The following PAX8 variants were observed in gnomAD, a reference collection of about 807,000 sequenced individuals.
The protein encoded by PAX8 is paired box protein Pax-8.
Under a neutral mutation model 52.4 loss-of-function variants are expected in PAX8, and 15 were observed. The ratio of observed to expected loss-of-function variants is 0.29; its 90% CI spans 0.19 to 0.44. The LOEUF is 0.44. Among genes scored for constraint, PAX8 ranks in the 20% least tolerant of loss-of-function variants. The pLI is 1.00. For missense variants in PAX8, 554 were observed against 602.5 expected, an observed-to-expected ratio of 0.92 and a Z score of 0.84; for synonymous variants, 284 against 249.7, an observed-to-expected ratio of 1.14 and a Z score of -1.29.
chr2:113,254,614 G>A (rs1423507622), intron 2 of PAX8, among the ~76,000 whole-genome samples: 1 of 152,140 alleles, frequency 6.6e-6, no homozygotes, highest in Non-Finnish European at 1.5e-5. Flanking sequence ...ATCCTTGCAA[G>A]GCATGGCATC....
chr2:113,224,189 TGATGGAAAGATGGATG>T (rs1411734000), intron 10 of PAX8, among the ~76,000 whole-genome samples: 1 of 151,598 alleles, frequency 6.6e-6, no homozygotes, highest in Admixed American at 6.6e-5. Flanking sequence ...ATAAAAGGAT[TGATGGAAAGATGGATG>T]GATGGAAAGA....
chr2:113,248,729 C>T (rs1327033775), intron 2 of PAX8, among the ~76,000 whole-genome samples: 3 of 151,896 alleles, frequency 2.0e-5, no homozygotes, highest in Admixed American at 6.5e-5. Flanking sequence ...GAGGCTGAGG[C>T]GGGCGGATCA....
At position 113,236,613 on chromosome 2, in the gene PAX8, G is replaced by T; in HGVS notation, c.886C>A (p.Pro296Thr). 6.3e-7 allele frequency: 1 copy of T among 1,583,940 alleles called. No homozygotes were observed. Residue 296 changes from proline (P) to threonine (T), a missense_variant, in exon 8 of 12, where the codon CCC becomes ACC. Physicochemically the swap from Pro to Thr is conservative, Grantham distance 38. This residue lies in a region of PAX8 where 445 missense variants were observed against 409.9 expected (regional missense o/e 1.09). Transcript: ENST00000429538. ...GRNLSTHQTY[P>T]VVADPHSPFA... The stretch of plus-strand genomic sequence containing the variant: ...CCGGGCGTTGTACCTGCCACCACGG[G>T]GTAGGTCTGGTGAGTCGAGAGGTTG...
At chr2:113,224,839 T>TAAAATAAAATAAA (rs1480934593) in intron 10 of PAX8, among the ~76,000 whole-genome samples, 2 of 143,578 alleles carry the variant, frequency 1.4e-5, no homozygotes, top group African/African-American at 5.2e-5. Context: ...TAAAATAAAA[T>TAAAATAAAATAAA]ATAAAATAAA....
chr2:113,262,052 A>G (rs997741602), intron 2 of PAX8, among the ~76,000 whole-genome samples: 13 of 151,704 alleles, frequency 8.6e-5, no homozygotes, highest in African/African-American at 3.2e-4. Flanking sequence ...CTAGTCTCGA[A>G]CTCCCAACCT....
At chr2:113,242,628 G>C in intron 5 of PAX8, 62 bp downstream of exon 5, 1 of 1,069,056 alleles carries the variant, frequency 9.4e-7, no homozygotes, top group African/African-American at 1.6e-5. Flanking sequence ...GTGTATATGT[G>C]GGTATGCTGA....
chr2:113,242,901 T>G, intron 4 of PAX8, 123 bp from the exon 5 acceptor site: 2 of 735,352 alleles, frequency 2.7e-6, no homozygotes, highest in Admixed American at 3.8e-5. Context: ...GAAACTCAAC[T>G]GTCCACAGTC....
intron 7 of PAX8, chr2:113,237,430 C>G (rs1427828343): frequency 6.6e-6 from 1 of 152,184 alleles, no homozygotes; most frequent in African/African-American, 2.4e-5. Flanking sequence ...CGGGATTTTT[C>G]GGCTGTGGAC....
At chr2:113,266,581 C>G (rs1693074523) in intron 2 of PAX8, 3 of 152,192 alleles carry the variant, frequency 2.0e-5, no homozygotes, top group Non-Finnish European at 4.4e-5. Flanking sequence ...CACAACGTGC[C>G]TATCACACAA....
chr2:113,272,123 A>T (rs960137593), intron 2 of PAX8: 1 of 143,450 alleles, frequency 7.0e-6, no homozygotes, highest in Non-Finnish European at 1.5e-5. Context: ...CACGGGAAGA[A>T]ACACAGAAAC....
chr2:113,275,375 GC>G, intron 2 of PAX8: 1 of 152,300 alleles, frequency 6.6e-6, no homozygotes, highest in African/African-American at 2.4e-5. Flanking sequence ...CCTCAAAGTT[GC>G]TTCCATCCCC....
intron 9 of PAX8, among the ~76,000 whole-genome samples, chr2:113,232,313 A>AAGAG (rs1689946341): frequency 6.6e-6 from 1 of 152,110 alleles, no homozygotes; most frequent in Non-Finnish European, 1.5e-5. Flanking sequence ...ACTCTTGGCC[A>AAGAG]TTTGCCTGGA....
intron 7 of PAX8, 24 bp from the exon 8 acceptor site, chr2:113,236,745 G>A (rs201760140): frequency 4.0e-4 from 621 of 1,546,936 alleles, no homozygotes; most frequent in Non-Finnish European, 5.0e-4. Flanking sequence ...AGAAGTCAGC[G>A]CACAGAGACG....
At chr2:113,250,095 GTC>G (rs1310781964) in intron 2 of PAX8, among the ~76,000 whole-genome samples, 2 of 151,750 alleles carry the variant, frequency 1.3e-5, no homozygotes, top group Non-Finnish European at 2.9e-5. Context: ...GTGAAACCCC[GTC>G]TCTACTAAAA....
chr2:113,233,101 G>A (rs1267885429), intron 9 of PAX8, among the ~76,000 whole-genome samples: 4 of 124,094 alleles, frequency 3.2e-5, no homozygotes, highest in South Asian at 3.1e-4. Context: ...TCCCTACCCC[G>A]CATCCCATTT....
chr2:113,252,299 C>T (rs1023938917), intron 2 of PAX8, among the ~76,000 whole-genome samples: 4 of 152,208 alleles, frequency 2.6e-5, no homozygotes, highest in Non-Finnish European at 5.9e-5. Context: ...CTTGTCCATG[C>T]GAATCAGTCC....
Position 113,218,588 on chromosome 2 carries a change from G to A in PAX8, c.1298C>T (p.Ser433Phe). The A allele has an allele frequency of 6.4e-7, 1 of 1,558,674 alleles. No homozygotes were observed. Among genetic ancestry groups the A allele is most frequent in the Non-Finnish European group, 8.7e-7 (1 of 1,150,788 alleles). The change falls in exon 12 of 12, where the codon TCC becomes TTC. Residue 433 changes from serine (S) to phenylalanine (F), a missense_variant. Around this residue, in one of 2 missense-constraint regions of PAX8, gnomAD observed 445 missense variants for 409.9 expected, o/e 1.09. Coordinates refer to ENST00000429538, the MANE Select transcript of PAX8 (RefSeq NM_003466.4). Reference sequence around the variant, plus strand: ...GGGCGGTGCACTCGGCCTTGATGTGGAACTGTAATAATATGGGGAACCTGG... The same window carrying A: ...GGGCGGTGCACTCGGCCTTGATGTGAAACTGTAATAATATGGGGAACCTGG... The part of the protein sequence containing the change: ...SLLSSPYYYS[S>F]TSRPSAPPTT...
In PAX8 at chr2:113,236,639, C is replaced by A; in HGVS notation, c.860G>T (p.Arg287Leu). ...TLTPSNTPLG[R>L]NLSTHQTYPV... ...GTAGGTCTGGTGAGTCGAGAGGTTG[C>A]GCCCCAGTGGCGTGTTGGAAGGGGT... Residue 287 changes from arginine (R) to leucine (L), a missense_variant, in exon 8 of 12, where the codon CGC becomes CTC. Coordinates refer to ENST00000429538, the MANE Select transcript of PAX8 (RefSeq NM_003466.4). The A allele has an allele frequency of 6.3e-7, 1 of 1,593,706 alleles. No individual in the cohort carries two copies. The highest frequency in any genetic ancestry group is 2.3e-5 in the East Asian group (1 of 43,950).
chr2:113,262,989 C>T (rs1294051666), intron 2 of PAX8, among the ~76,000 whole-genome samples: 1 of 152,242 alleles, frequency 6.6e-6, no homozygotes, highest in African/African-American at 2.4e-5. Flanking sequence ...AGTTTTAGAG[C>T]TTTAGCCCTG....
Sources: allele counts gnomAD v4.1 joint callset (sites outside exome capture counted in the v4.1 genomes callset), GRCh38; gene constraint gnomAD v4.1.1; regional missense constraint gnomAD v4.1.1; transcripts MANE v1.5; gene names NCBI Gene and HGNC (gene_info 2026-07-23, HGNC 2026-07-21).